EBI3: variants seen among roughly 807,000 people sequenced by gnomAD.
EBI3 encodes the protein Epstein-Barr virus induced 3.
A neutral mutation model predicts 21.3 loss-of-function variants in EBI3; 19 were observed. The observed-to-expected ratio is 0.89, with a 90% CI of 0.62 to 1.31. The LOEUF (loss-of-function observed/expected upper bound fraction) is 1.31. Among genes scored for constraint, EBI3 ranks in the 50% most tolerant of loss-of-function variants. EBI3 has a pLI of 0.00. For missense variants in EBI3, 331 were observed against 314.0 expected (o/e 1.05, Z -0.41); for synonymous variants, 154 against 131.2 (o/e 1.17, Z -1.19).
intron 2 of EBI3, chr19:4,232,906 G>A (rs1970802246): frequency 2.1e-6 from 1 of 474,144 alleles, no homozygotes; most frequent in African/African-American, 2.0e-5. Context: ...TCTAGCTTGG[G>A]TTGTAATCCC....
intron 2 of EBI3, among the ~76,000 whole-genome samples, chr19:4,231,888 T>G (rs1258287395): frequency 6.6e-6 from 1 of 151,254 alleles, no homozygotes; most frequent in African/African-American, 2.4e-5. Flanking sequence ...TGAGTCCAGC[T>G]TGGGCAAAAT....
At chr19:4,230,648 C>T (rs531251388) in intron 1 of EBI3, among the ~76,000 whole-genome samples, 1 of 152,038 alleles carries the variant, frequency 6.6e-6, no homozygotes, top group Non-Finnish European at 1.5e-5. Context: ...CTTTGGGAGG[C>T]CAAGGCAGGT....
chr19:4,231,372 G>T (rs1568355081), intron 2 of EBI3, 49 bp downstream of exon 2: 4 of 1,547,294 alleles, frequency 2.6e-6, no homozygotes, highest in Non-Finnish European at 3.5e-6. Context: ...TTCCTGGAGA[G>T]CCCAGAACTC....
chr19:4,234,445 C>G (rs1196966651), intron 3 of EBI3, among the ~76,000 whole-genome samples: 1 of 152,050 alleles, frequency 6.6e-6, no homozygotes, highest in Non-Finnish European at 1.5e-5. Flanking sequence ...CATGGTGGCT[C>G]ACAACTACTC....
At chr19:4,234,910 T>C in intron 4 of EBI3, 86 bp downstream of exon 4, 2 of 1,546,986 alleles carry the variant, frequency 1.3e-6, no homozygotes, top group Non-Finnish European at 1.7e-6. Context: ...TGCTGGGCTC[T>C]TGCACATAGC....
In EBI3 at chr19:4,234,690, G is replaced by T. The variant is rs964392303; in HGVS notation, c.403G>T (p.Val135Leu). 1 of 1,614,024 alleles carries T rather than the reference G, an allele frequency of 6.2e-7. No individual in the cohort carries two copies. Among genetic ancestry groups the T allele is most frequent in the Admixed American group, 1.7e-5 (1 of 59,998 alleles). ...HIIKPDPPEG[V>L]RLSPLAERQL... The stretch of plus-strand genomic sequence containing the variant: ...AGTCAAGCCCGACCCTCCAGAAGGC[G>T]TGCGCCTAAGCCCCCTCGCTGAGCG... Residue 135 changes from valine to leucine, a missense_variant, in exon 4 of 5, where the codon GTG (valine) becomes TTG (leucine). Coordinates refer to ENST00000221847, the MANE Select transcript of EBI3 (RefSeq NM_005755.3).
chr19:4,234,638 C>A, intron 3 of EBI3, 29 bp from the exon 4 acceptor site: 1 of 1,604,726 alleles, frequency 6.2e-7, no homozygotes, highest in Non-Finnish European at 8.5e-7. Context: ...CTTACTGTCC[C>A]CTGACCCTGC....
chr19:4,231,865 G>C (rs1970786526), intron 2 of EBI3, among the ~76,000 whole-genome samples: 1 of 151,964 alleles, frequency 6.6e-6, no homozygotes, highest in African/African-American at 2.4e-5. Context: ...AGGATCACTT[G>C]AGGTCAGGAG....
chr19:4,236,269 G>C (rs2144678328), intron 4 of EBI3, among the ~76,000 whole-genome samples: 1 of 152,048 alleles, frequency 6.6e-6, no homozygotes, highest in South Asian at 2.1e-4. Flanking sequence ...CAGGAGAATG[G>C]CTTGAACCCG....
chr19:4,235,952 A>T (rs531290694), intron 4 of EBI3, among the ~76,000 whole-genome samples: 2 of 152,218 alleles, frequency 1.3e-5, no homozygotes, highest in South Asian at 4.2e-4. Context: ...TAAATAAAAT[A>T]AAAAGCACGG....
rs759982959 is a variant in EBI3, at chr19:4,229,646, GC to G, written c.67+32del. On this transcript the variant is annotated intron_variant, in intron 1 of 4. Transcript: ENST00000221847. Reference sequence around the variant, plus strand: ...TGTGGGGCCCCTGGGGGACTGGGGGGCCCAGGCAGACGGACATGACACGAGG... The same window carrying G: ...TGTGGGGCCCCTGGGGGACTGGGGGGCCAGGCAGACGGACATGACACGAGG... The G allele has an allele frequency of 5.7e-6, 9 of 1,583,940 alleles. No individual in the cohort carries two copies. In the East Asian group the frequency reaches 1.4e-4, roughly 24 times the overall value.
intron 4 of EBI3, 52 bp from the exon 5 acceptor site, chr19:4,236,884 G>A (rs1213653591): frequency 1.4e-6 from 2 of 1,459,840 alleles, no homozygotes; most frequent in African/African-American, 2.9e-5. Flanking sequence ...TGTGCACAGT[G>A]GCCCCTCTCC....
At chr19:4,236,793 TG>T (rs1474952891) in intron 4 of EBI3, 142 bp from the exon 5 acceptor site, 7 of 955,940 alleles carry the variant, frequency 7.3e-6, no homozygotes, top group African/African-American at 5.1e-5. Flanking sequence ...CTATTTGGGG[TG>T]GGGCCGCACA....
intron 1 of EBI3, 75 bp downstream of exon 1, chr19:4,229,692 T>TG: frequency 6.9e-7 from 1 of 1,447,166 alleles, no homozygotes; most frequent in African/African-American, 1.4e-5. Flanking sequence ...GGATCATGTC[T>TG]GGGGTGGGAA....
chr19:4,229,698 G>A (rs999739139), intron 1 of EBI3, 81 bp downstream of exon 1: 135 of 1,404,656 alleles, frequency 9.6e-5, no homozygotes, highest in Admixed American at 2.0e-4. Flanking sequence ...TGTCTGGGGT[G>A]GGAAATCACA....
At chr19:4,230,640 T>C (rs353710) in intron 1 of EBI3, among the ~76,000 whole-genome samples, 1 of 151,974 alleles carries the variant, frequency 6.6e-6, no homozygotes, top group Non-Finnish European at 1.5e-5. Flanking sequence ...TTCCAGCACT[T>C]TGGGAGGCCA....
chr19:4,236,487 C>A (rs1970838076), intron 4 of EBI3, among the ~76,000 whole-genome samples: 1 of 123,576 alleles, frequency 8.1e-6, no homozygotes, highest in Non-Finnish European at 1.6e-5. Context: ...CCCCACTGCA[C>A]TCCAGCCTGG....
chr19:4,234,034 T>C (rs1384929740), intron 3 of EBI3, among the ~76,000 whole-genome samples: 1 of 152,074 alleles, frequency 6.6e-6, no homozygotes, highest in African/African-American at 2.4e-5. Context: ...GGTGAAACCC[T>C]GCCTCTACTA....
chr19:4,232,772 GAATTAATGAATGAATGAAGGAATGAATT>G (rs1167230451), intron 2 of EBI3, among the ~76,000 whole-genome samples: 7 of 128,232 alleles, frequency 5.5e-5, no homozygotes, highest in Non-Finnish European at 4.7e-5. Context: ...ATGAAGGAAT[GAATTAATGAATGAATGAAGGAATGAATT>G]AATGAATGAA....
Sources: gnomAD v4.1 joint callset for allele counts (sites outside exome capture counted in the v4.1 genomes callset) on GRCh38, gnomAD v4.1.1 for gene constraint, MANE v1.5 for transcripts, NCBI Gene and HGNC (gene_info 2026-07-23, HGNC 2026-07-21) for gene names.